CRACDL: variants seen among roughly 807,000 people sequenced by gnomAD.
The protein encoded by CRACDL is CRACD like.
CRACDL carries 26 observed loss-of-function variants against 70.6 expected under a neutral mutation model. The ratio of observed to expected loss-of-function variants is 0.37; its 90% CI spans 0.27 to 0.51. The LOEUF is 0.51. Among genes scored for constraint, CRACDL ranks in the 20% least tolerant of loss-of-function variants. CRACDL has a pLI of 0.94. For synonymous variants in CRACDL, 618 were observed against 615.2 expected (o/e 1.00, Z -0.07); for missense variants, 1,283 against 1,376.9 (o/e 0.93, Z 1.08).
chr2:98,931,678 A>G (rs1279752952), intron 1 of CRACDL, among the ~76,000 whole-genome samples: 1 of 152,218 alleles, frequency 6.6e-6, no homozygotes, highest in African/African-American at 2.4e-5. Flanking sequence ...ACTTTTCAAA[A>G]CGAACTTCCA....
At chr2:98,836,630 C>T (rs1265369479) in intron 3 of CRACDL, among the ~76,000 whole-genome samples, 2 of 152,156 alleles carry the variant, frequency 1.3e-5, no homozygotes, top group Non-Finnish European at 2.9e-5. Context: ...CCAGGCCTGT[C>T]TCTCCAACAC....
intron 1 of CRACDL, among the ~76,000 whole-genome samples, chr2:98,908,089 G>A (rs1320132228): frequency 6.6e-6 from 1 of 152,218 alleles, no homozygotes; most frequent in Non-Finnish European, 1.5e-5. Context: ...TGGAATGGGA[G>A]GATCTCACCT....
chr2:98,904,573 C>A (rs762817996), intron 1 of CRACDL, among the ~76,000 whole-genome samples: 1 of 152,168 alleles, frequency 6.6e-6, no homozygotes, highest in Non-Finnish European at 1.5e-5. Context: ...GAATGCCCAG[C>A]CTTCCAGGTG....
chr2:98,819,229 T>C (rs1414713312), intron 7 of CRACDL, among the ~76,000 whole-genome samples: 1 of 152,248 alleles, frequency 6.6e-6, no homozygotes, highest in African/African-American at 2.4e-5. Flanking sequence ...TACATATAAA[T>C]AATGGGCAAA....
intron 1 of CRACDL, among the ~76,000 whole-genome samples, chr2:98,881,793 C>G (rs1707659104): frequency 6.6e-6 from 1 of 152,208 alleles, no homozygotes; most frequent in Non-Finnish European, 1.5e-5. Flanking sequence ...GCTGGGCACA[C>G]AGCATCATGG....
chr2:98,860,775 C>T (rs563721599), intron 1 of CRACDL, among the ~76,000 whole-genome samples: 39 of 152,258 alleles, frequency 2.6e-4, no homozygotes, highest in African/African-American at 8.9e-4. Context: ...TTGACTTCAA[C>T]ATTATAAGAT....
intron 1 of CRACDL, among the ~76,000 whole-genome samples, chr2:98,891,376 C>CAAAAAAAAAAAAAAAAAAAAAAAAA (rs548988640): frequency 2.9e-4 from 11 of 37,898 alleles, no homozygotes; most frequent in South Asian, 9.3e-4. Context: ...GACTCCGTCT[C>CAAAAAAAAAAAAAAAAAAAAAAAAA]AAAAAAAAAA....
chr2:98,813,684 A>C (rs1188392532), intron 7 of CRACDL, among the ~76,000 whole-genome samples: 1 of 152,206 alleles, frequency 6.6e-6, no homozygotes, highest in African/African-American at 2.4e-5. Context: ...GAGAGTCTAT[A>C]GTTTTCTGTA....
At chr2:98,812,824 G>A (rs1704631064) in intron 7 of CRACDL, among the ~76,000 whole-genome samples, 1 of 151,590 alleles carries the variant, frequency 6.6e-6, no homozygotes, top group African/African-American at 2.4e-5. Context: ...TGTCTTTTCA[G>A]GCTCTTAAAT....
intron 1 of CRACDL, among the ~76,000 whole-genome samples, chr2:98,863,258 T>C (rs1707006606): frequency 6.6e-6 from 1 of 151,928 alleles, no homozygotes; most frequent in Admixed American, 6.6e-5. Flanking sequence ...GTTCAAAGTG[T>C]GAAAAGAAAA....
At chr2:98,848,310 C>A (rs181289720) in intron 1 of CRACDL, among the ~76,000 whole-genome samples, 1 of 152,214 alleles carries the variant, frequency 6.6e-6, no homozygotes, top group East Asian at 1.9e-4. Flanking sequence ...ATCCCCCCTG[C>A]AATATGTTAG....
chr2:98,872,080 A>G (rs774447739), intron 1 of CRACDL, among the ~76,000 whole-genome samples: 5 of 152,212 alleles, frequency 3.3e-5, no homozygotes, highest in Non-Finnish European at 4.4e-5. Flanking sequence ...AGAAAATCCA[A>G]TACCAGGCTG....
At chr2:98,817,323 T>G (rs1704823820) in intron 7 of CRACDL, among the ~76,000 whole-genome samples, 1 of 152,180 alleles carries the variant, frequency 6.6e-6, no homozygotes, top group Non-Finnish European at 1.5e-5. Context: ...GCATTGTACA[T>G]TTTAAAATTT....
chr2:98,852,251 A>G (rs1338647817), intron 1 of CRACDL, among the ~76,000 whole-genome samples: 1 of 152,196 alleles, frequency 6.6e-6, no homozygotes, highest in Non-Finnish European at 1.5e-5. Context: ...GGAGACTCCA[A>G]GGAACCAGGC....
At chr2:98,866,405 A>T (rs1707142237) in intron 1 of CRACDL, among the ~76,000 whole-genome samples, 1 of 151,692 alleles carries the variant, frequency 6.6e-6, no homozygotes, top group Non-Finnish European at 1.5e-5. Context: ...TAAATGAATG[A>T]ATGAATGAAT....
intron 9 of CRACDL, among the ~76,000 whole-genome samples, chr2:98,795,401 G>C (rs760663581): frequency 2.0e-5 from 3 of 151,940 alleles, no homozygotes; most frequent in Non-Finnish European, 4.4e-5. Context: ...ACTGATACAT[G>C]CAACAACAAA....
intron 7 of CRACDL, among the ~76,000 whole-genome samples, chr2:98,820,977 C>G (rs1026962914): frequency 1.3e-5 from 2 of 152,322 alleles, no homozygotes; most frequent in Middle Eastern, 3.4e-3. Flanking sequence ...CTGAAAGAAC[C>G]TGCATCAAAA....
intron 1 of CRACDL, among the ~76,000 whole-genome samples, chr2:98,932,403 G>C (rs1478808394): frequency 6.6e-6 from 1 of 152,190 alleles, no homozygotes; most frequent in Non-Finnish European, 1.5e-5. Flanking sequence ...TAAATCCAGG[G>C]CTCAGGCTTG....
chr2:98,903,760 A>C (rs1708340106), intron 1 of CRACDL, among the ~76,000 whole-genome samples: 1 of 152,222 alleles, frequency 6.6e-6, no homozygotes, highest in Admixed American at 6.5e-5. Context: ...AGTTAGTCTC[A>C]GTAGTCATTT....
Sources: allele counts gnomAD v4.1 joint callset (sites outside exome capture counted in the v4.1 genomes callset), GRCh38; gene constraint gnomAD v4.1.1; transcripts MANE v1.5; gene names NCBI Gene and HGNC (gene_info 2026-07-23, HGNC 2026-07-21).